Variants in WRAP73 observed in about 807,000 individuals in gnomAD.
WRAP73 encodes the protein WD repeat-containing protein WRAP73.
In WRAP73, 55 loss-of-function variants were observed where a neutral mutation model predicts 59.6. The observed-to-expected ratio is 0.92, with a 90% CI of 0.74 to 1.15. The LOEUF is 1.15. Ranked by LOEUF, WRAP73 falls within the 50% of genes most tolerant of loss-of-function variation. The pLI is 0.00. For synonymous variants in WRAP73, 265 were observed against 258.2 expected (o/e 1.03, Z -0.25); for missense variants, 592 against 608.1 (o/e 0.97, Z 0.28).
chr1:3,633,808 C>T, intron 8 of WRAP73: 1 of 317,252 alleles, frequency 3.2e-6, no homozygotes, highest in Non-Finnish European at 5.8e-6. Context: ...GTGGGCTCAG[C>T]CTTCCCTCCG....
rs1644532796 is a variant in WRAP73 at position 3,631,521 on chromosome 1, G to A, written c.1185C>T (p.Ser395=). 6.2e-7 allele frequency: 1 copy of A among 1,610,062 alleles called. No individual in the cohort carries two copies. The highest frequency in any genetic ancestry group is 8.5e-7 in the Non-Finnish European group (1 of 1,178,822). Residue 395 remains serine, a synonymous_variant, in exon 11 of 12, where the codon AGC becomes AGT. Coordinates refer to ENST00000270708, the MANE Select transcript of WRAP73 (RefSeq NM_017818.4). The part of the protein sequence containing the change: ...QPRLAICTGG[S]RLYLWSPAGC... ...CCGCTGGGGACCACAGGTAGAGCCT[G>A]CTGCCTCCCGTGCAGATGGCCAGCC... is the stretch of plus-strand genomic sequence containing the variant.
intron 5 of WRAP73, 78 bp downstream of exon 5, chr1:3,636,917 G>T: frequency 7.1e-7 from 1 of 1,410,564 alleles, no homozygotes; most frequent in Non-Finnish European, 9.9e-7. Context: ...AGATCCCCTG[G>T]AATCTGGAAG....
chr1:3,647,676 C>T lies in WRAP73; in HGVS notation c.70-116G>A, dbSNP rs953500556. ...TGGCCTTCTCTCCTGCCAGAGGTTT[C>T]ATGTCTAGATCACCAGTGACATCCC... On this transcript the variant is annotated intron_variant, in intron 1 of 11. Coordinates refer to ENST00000270708, the MANE Select transcript of WRAP73 (RefSeq NM_017818.4). 1.1e-5 allele frequency: 13 copies of T among 1,162,442 alleles called. No homozygotes were observed. In the African/African-American group the frequency reaches 1.6e-4, roughly 14 times the overall value. The allele number at this position is 1,162,442 out of a possible 1,614,324, so 72.0% of individuals were successfully genotyped here.
intron 6 of WRAP73, chr1:3,635,638 C>T (rs915096386): frequency 8.4e-6 from 4 of 474,200 alleles, no homozygotes; most frequent in African/African-American, 1.9e-5. Context: ...CTGGGCAACA[C>T]GGTGAAACCC....
Position 3,635,265 on chromosome 1 carries a change from G to GC in WRAP73, c.632dup (p.Arg212ProfsTer33), listed in dbSNP as rs1484222953. ...AAGCGCTGTACGTGGACAACAACCG[G>GC]CCATCCAATGAGTACAGCAGAATCT... is the stretch of plus-strand genomic sequence containing the variant. On this transcript the variant is annotated frameshift_variant, in exon 7 of 12. Coordinates refer to ENST00000270708, the MANE Select transcript of WRAP73 (RefSeq NM_017818.4). LOFTEE classifies it high-confidence loss of function. 1.2e-6 allele frequency: 2 copies of GC among 1,613,798 alleles called. No individual in the cohort carries two copies. The highest frequency in any genetic ancestry group is 1.7e-6 in the Non-Finnish European group (2 of 1,180,038).
intron 4 of WRAP73, 137 bp from the exon 5 acceptor site, chr1:3,637,235 T>C (rs759595759): frequency 4.2e-6 from 3 of 707,780 alleles, no homozygotes; most frequent in Admixed American, 2.4e-5. Flanking sequence ...TGCCGAGCAC[T>C]GCTCCTCAGA....
chr1:3,634,381 GC>G (rs1204909516), intron 8 of WRAP73: 1 of 157,754 alleles, frequency 6.3e-6, no homozygotes, highest in Non-Finnish European at 1.4e-5. Context: ...TTTGTCTCTG[GC>G]TCCCAGCGCA....
rs539775517 is a variant in WRAP73, at chr1:3,630,951, T to C, written c.*24A>G. 6.2e-7 allele frequency: 1 copy of C among 1,605,070 alleles called. No individual in the cohort carries two copies. The highest frequency in any genetic ancestry group is 1.3e-5 in the African/African-American group (1 of 74,898). ...ACTGGAAACACAGAGTAGCCCTGTT[T>C]CTGCACACGTTAGTGCACCGCTGCT... On this transcript the variant is annotated 3_prime_UTR_variant, in exon 12 of 12. Coordinates refer to ENST00000270708, the MANE Select transcript of WRAP73 (RefSeq NM_017818.4).
In WRAP73 at chr1:3,650,057, G is replaced by A. The variant is rs1215237781; in HGVS notation, c.-58C>T. The A allele has an allele frequency of 8.1e-6, 12 of 1,482,750 alleles. No homozygotes were observed. The highest frequency in any genetic ancestry group is 1.1e-5 in the Non-Finnish European group (12 of 1,105,766). 91.8% of individuals were successfully genotyped at this position (1,482,750 alleles called of 1,614,324 possible). ...CCGAAAACCCGCGGGACCCCTGGGC[G>A]CGCAGCAGGCTGCAACAGCCGACGC... On this transcript the variant is annotated 5_prime_UTR_variant, in exon 1 of 12. Coordinates refer to ENST00000270708, the MANE Select transcript of WRAP73 (RefSeq NM_017818.4).
chr1:3,638,203 C>G (rs754930560), intron 4 of WRAP73, among the ~76,000 whole-genome samples: 18 of 152,250 alleles, frequency 1.2e-4, no homozygotes, highest in Non-Finnish European at 1.0e-4. Flanking sequence ...ACTAGCTCTG[C>G]GCGGTCCAGT....
At position 3,642,088 on chromosome 1, in the gene WRAP73, C is replaced by A. The variant is rs183748779; in HGVS notation, c.340-3266G>T. Reference sequence around the variant, plus strand: ...AGCTAACAACAAAGTCTCAAAAATACATTTAAAAATCTGGCAGAGCCGGGC... The same window carrying A: ...AGCTAACAACAAAGTCTCAAAAATAAATTTAAAAATCTGGCAGAGCCGGGC... On this transcript the variant is annotated intron_variant, in intron 3 of 11. Coordinates refer to ENST00000270708, the MANE Select transcript of WRAP73 (RefSeq NM_017818.4). Among the ~76,000 whole-genome samples the A allele has an allele frequency of 5.3e-5, 8 of 152,326 alleles. No individual in the cohort carries two copies. In the East Asian group the frequency reaches 1.5e-3, roughly 29 times the overall value.
intron 2 of WRAP73, chr1:3,647,176 G>A: frequency 2.0e-6 from 1 of 503,850 alleles, no homozygotes; most frequent in Non-Finnish European, 3.4e-6. Flanking sequence ...CGCGTGGCTA[G>A]ATTGCTGTCA....
chr1:3,644,287 C>G (rs1319587430), intron 3 of WRAP73, among the ~76,000 whole-genome samples: 1 of 29,046 alleles, frequency 3.4e-5, no homozygotes, highest in African/African-American at 2.3e-4. Context: ...CGCTGAGCCC[C>G]GGACATGGGG....
chr1:3,636,435 G>T, intron 5 of WRAP73: 2 of 314,700 alleles, frequency 6.4e-6, no homozygotes, highest in Non-Finnish European at 1.2e-5. Flanking sequence ...GCACTCATGT[G>T]CACACTCTCC....
chr1:3,649,709 C>G (rs1644722738), intron 1 of WRAP73, among the ~76,000 whole-genome samples: 1 of 151,394 alleles, frequency 6.6e-6, no homozygotes, highest in South Asian at 2.1e-4. Flanking sequence ...TCCCCGGGCC[C>G]TCCACCTGTC....
At position 3,630,881 on chromosome 1, in the gene WRAP73, C is replaced by G. The variant is rs551621888; in HGVS notation, c.*94G>C. The G allele has an allele frequency of 1.3e-6, 2 of 1,484,210 alleles. No individual in the cohort carries two copies. Among genetic ancestry groups the G allele is most frequent in the South Asian group, 2.6e-5 (2 of 75,750 alleles). 91.9% of individuals were successfully genotyped at this position (1,484,210 alleles called of 1,614,324 possible). ...AATAGAATCAATCACTGAATCCAGA[C>G]CACCACAGTGGAGAACCTCCTGGTG... is the stretch of plus-strand genomic sequence containing the variant. On this transcript the variant is annotated 3_prime_UTR_variant, in exon 12 of 12. Coordinates refer to ENST00000270708, the MANE Select transcript of WRAP73 (RefSeq NM_017818.4).
chr1:3,640,734 G>A (rs113975534), intron 3 of WRAP73, among the ~76,000 whole-genome samples: 3,063 of 133,038 alleles, frequency 0.023, 88 homozygotes, highest in East Asian at 0.14. Flanking sequence ...TCAGCAGGGC[G>A]GGGTGGAGCA....
chr1:3,646,833 G>A lies in WRAP73; in HGVS notation c.223-51C>T. ...ACAAGTGCAAACTCATCAGCACCGA[G>A]AGACAGCGAGGACAGCTCGCTTAAA... is the stretch of plus-strand genomic sequence containing the variant. On this transcript the variant is annotated intron_variant, in intron 2 of 11. Transcript: ENST00000270708. The surrounding 1 kb of genome is among the most constrained non-coding windows in gnomAD (Gnocchi z 5.1). 1 of 1,520,282 alleles carries A rather than the reference G, an allele frequency of 6.6e-7. No individual in the cohort carries two copies. Among genetic ancestry groups the A allele is most frequent in the Non-Finnish European group, 9.1e-7 (1 of 1,104,548 alleles). 94.2% of individuals were successfully genotyped at this position (1,520,282 alleles called of 1,614,324 possible). A position where few individuals can be genotyped will look rare whatever the true frequency, so the allele number is the denominator to read the frequency against.
chr1:3,648,483 T>C (rs1222017385), intron 1 of WRAP73, among the ~76,000 whole-genome samples: 1 of 152,220 alleles, frequency 6.6e-6, no homozygotes, highest in Non-Finnish European at 1.5e-5. Context: ...CAGCACTTAC[T>C]TTCTCACACT....
Sources: gnomAD v4.1 joint callset for allele counts (sites outside exome capture counted in the v4.1 genomes callset) on GRCh38, gnomAD v4.1.1 for gene constraint, Gnocchi (gnomAD v3.1) non-coding constraint, MANE v1.5 for transcripts, NCBI Gene and HGNC (gene_info 2026-07-23, HGNC 2026-07-21) for gene names.